GPR174: variants seen among roughly 807,000 people sequenced by gnomAD.
GPR174 encodes G protein-coupled receptor 174.
Under a neutral mutation model 16.5 loss-of-function variants are expected in GPR174, and 8 were observed. The ratio of observed to expected loss-of-function variants is 0.48; its 90% CI spans 0.28 to 0.87. The LOEUF is 0.87. Ranked by LOEUF, GPR174 falls within the 40% of genes least tolerant of loss-of-function variation. The probability of loss-of-function intolerance (pLI) is 0.09; values close to 1 mark genes in which losing one functional copy is unlikely to be tolerated. For synonymous variants in GPR174, 111 were observed against 94.8 expected, an observed-to-expected ratio of 1.17 and a Z score of -0.99; for missense variants, 214 against 247.5, an observed-to-expected ratio of 0.86 and a Z score of 0.91.
rs1926470814 is a variant in GPR174 at position 79,145,039 on chromosome X, TTTCTTTCTTTCTTTCTTTCTTTC to T, written c.-829_-807del. 5 of 99,389 alleles carry T rather than the reference TTTCTTTCTTTCTTTCTTTCTTTC, an allele frequency of 5.0e-5. No homozygotes were observed. Among genetic ancestry groups the T allele is most frequent in the African/African-American group, 1.9e-4 (5 of 26,911 alleles). The allele number at this position is 99,389 out of a possible 1,213,427, so 8.2% of individuals were successfully genotyped here. A position where few individuals can be genotyped will look rare whatever the true frequency, so the allele number is the denominator to read the frequency against. On this transcript the variant is annotated 5_prime_UTR_variant, in exon 1 of 3. Coordinates refer to ENST00000645147, the MANE Select transcript of GPR174 (RefSeq NM_032553.3). The stretch of plus-strand genomic sequence containing the variant: ...CTTTCTTTCTTTCTTTCTTTCTTTC[TTTCTTTCTTTCTTTCTTTCTTTC>T]TTTTTTTTCTCCTTTTGCTAGTGAA...
In GPR174 at chrX:79,172,035, C is replaced by A. The variant is rs1921531229; in HGVS notation, c.*26C>A. ...AACAAAAAACCAAACTGAATGTGACCTGAAATGCAAGTACATCAGAACATA... is the reference window on the plus strand; with the variant it reads ...AACAAAAAACCAAACTGAATGTGACATGAAATGCAAGTACATCAGAACATA... On this transcript the variant is annotated 3_prime_UTR_variant, in exon 3 of 3. Transcript: ENST00000645147. 1 of 1,158,444 alleles carries A rather than the reference C, an allele frequency of 8.6e-7. No individual in the cohort carries two copies. The highest frequency in any genetic ancestry group is 2.6e-5 in the Admixed American group (1 of 39,017).
At chrX:79,166,445 T>C (rs1459276606) in intron 2 of GPR174, among the ~76,000 whole-genome samples, 2 of 77,296 alleles carry the variant, frequency 2.6e-5, no homozygotes, top group African/African-American at 1.0e-4. Context: ...TTTTTTTTTT[T>C]TTTTTTTTTT....
chrX:79,155,627 G>A (rs1245842533), intron 1 of GPR174, among the ~76,000 whole-genome samples: 5 of 110,805 alleles, frequency 4.5e-5, no homozygotes, highest in African/African-American at 1.6e-4. Flanking sequence ...TCTTAACAAT[G>A]TTCCCCAGGA....
chrX:79,171,272 G>C lies in GPR174; in HGVS notation c.265G>C (p.Gly89Arg). The change falls in exon 3 of 3, where the codon GGT (glycine) becomes CGT (arginine). Residue 89 changes from glycine to arginine, a missense_variant. Physicochemically the swap from Gly to Arg is moderately radical, Grantham distance 125 (BLOSUM62 -2). Coordinates refer to ENST00000645147, the MANE Select transcript of GPR174 (RefSeq NM_032553.3). ...GAATCATGACTGGCCATTTGGGCCT[G>C]GTCTCTGCATGTTCTGTTTCTACCT... ...YLNHDWPFGPGLCMFCFYLKY... is the reference protein window; with the variant it reads ...YLNHDWPFGPRLCMFCFYLKY... The C allele has an allele frequency of 8.3e-7, 1 of 1,211,366 alleles. No homozygotes were observed. The highest frequency in any genetic ancestry group is 1.1e-6 in the Non-Finnish European group (1 of 895,184).
At chrX:79,152,541 A>G (rs1042882416) in intron 1 of GPR174, among the ~76,000 whole-genome samples, 1 of 111,644 alleles carries the variant, frequency 9.0e-6, no homozygotes, top group African/African-American at 3.3e-5. Context: ...TCTCCTGATA[A>G]TCCTAATTAT....
intron 1 of GPR174, among the ~76,000 whole-genome samples, chrX:79,155,971 C>A (rs1028708060): frequency 8.9e-6 from 1 of 111,765 alleles, no homozygotes; most frequent in African/African-American, 3.2e-5. Context: ...AGGCTGTCCC[C>A]CTCTATGTTC....
In GPR174 at chrX:79,174,566, T is replaced by C. The variant is rs992717692; in HGVS notation, c.*2557T>C. On this transcript the variant is annotated 3_prime_UTR_variant, in exon 3 of 3. Transcript: ENST00000645147. ...GGTCCCACAGCACTGCCTTTCATAT[T>C]GCATACAGTAAGCAAACACCTACTT... The C allele has an allele frequency of 3.6e-5, 4 of 109,838 alleles. No homozygotes were observed. Among genetic ancestry groups the C allele is most frequent in the African/African-American group, 1.0e-4 (3 of 30,090 alleles). The allele number at this position is 109,838 out of a possible 1,213,427, so 9.1% of individuals were successfully genotyped here.
At chrX:79,156,796 A>C (rs1921109200) in intron 1 of GPR174, 26 bp from the exon 2 acceptor site, 1 of 111,670 alleles carries the variant, frequency 9.0e-6, no homozygotes, top group Non-Finnish European at 1.9e-5. Context: ...GCTGCACCTG[A>C]CCACTGCTTT....
chrX:79,158,654 G>C (rs1282688681), intron 2 of GPR174, among the ~76,000 whole-genome samples: 3 of 106,860 alleles, frequency 2.8e-5, no homozygotes, highest in Non-Finnish European at 5.8e-5. Context: ...ATGTTGGCCA[G>C]GATGGTCTCG....
Position 79,173,462 on chromosome X carries a change from C to T in GPR174, c.*1453C>T, listed in dbSNP as rs1293922352. ...AAGCTCTAACTTTAAGAAAGTTCTA[C>T]TTAAAATCTGTGTGCTATATAATGA... On this transcript the variant is annotated 3_prime_UTR_variant, in exon 3 of 3. Transcript: ENST00000645147. The T allele has an allele frequency of 2.7e-5, 3 of 111,982 alleles. No individual in the cohort carries two copies. The highest frequency in any genetic ancestry group is 5.6e-5 in the Non-Finnish European group (3 of 53,187). The allele number at this position is 111,982 out of a possible 1,213,427, so 9.2% of individuals were successfully genotyped here.
intron 2 of GPR174, among the ~76,000 whole-genome samples, chrX:79,157,639 G>A (rs1602338703): frequency 3.6e-5 from 4 of 112,159 alleles, no homozygotes; most frequent in South Asian, 3.7e-4. Flanking sequence ...TACAGTAGCC[G>A]TAGGTGAATC....
chrX:79,159,690 T>C (rs1397698060), intron 2 of GPR174, among the ~76,000 whole-genome samples: 2 of 111,834 alleles, frequency 1.8e-5, no homozygotes, highest in Non-Finnish European at 3.8e-5. Flanking sequence ...TTTTGCCTAC[T>C]ATAAATCATG....
intron 2 of GPR174, among the ~76,000 whole-genome samples, chrX:79,163,839 G>A (rs112386093): frequency 0.16 from 18,161 of 111,077 alleles, 1,296 homozygotes; most frequent in Middle Eastern, 0.33. Context: ...AATGAACTCC[G>A]CTGTCCTTTA....
At chrX:79,164,442 T>A (rs1000143245) in intron 2 of GPR174, among the ~76,000 whole-genome samples, 3 of 111,789 alleles carry the variant, frequency 2.7e-5, no homozygotes, top group Non-Finnish European at 5.6e-5. Context: ...CCAGCCATCT[T>A]TATTTTTAAT....
intron 2 of GPR174, among the ~76,000 whole-genome samples, chrX:79,159,241 T>C (rs947832269): frequency 9.0e-6 from 1 of 111,488 alleles, no homozygotes; most frequent in African/African-American, 3.3e-5. Flanking sequence ...GTATGATGTC[T>C]AGTTAGAGAG....
chrX:79,164,477 A>G (rs1292144559), intron 2 of GPR174, among the ~76,000 whole-genome samples: 1 of 111,416 alleles, frequency 9.0e-6, no homozygotes, highest in Non-Finnish European at 1.9e-5. Context: ...ACTAACCGGA[A>G]GGATATTTCT....
intron 2 of GPR174, among the ~76,000 whole-genome samples, chrX:79,169,223 G>A (rs1420196372): frequency 1.8e-5 from 2 of 111,506 alleles, no homozygotes; most frequent in African/African-American, 6.5e-5. Context: ...TCTGCCCAAG[G>A]AGCTTGGCAT....
chrX:79,151,021 C>A (rs1447899065), intron 1 of GPR174, among the ~76,000 whole-genome samples: 1 of 110,224 alleles, frequency 9.1e-6, no homozygotes, highest in Non-Finnish European at 1.9e-5. Context: ...ATTTTTTTTC[C>A]CTGTAGAGCT....
At chrX:79,166,432 CTTTTTTTTTTTT>C (rs1174620976) in intron 2 of GPR174, among the ~76,000 whole-genome samples, 3 of 43,625 alleles carry the variant, frequency 6.9e-5, no homozygotes, top group South Asian at 2.8e-3. Context: ...TTTCTTTTTT[CTTTTTTTTTTTT>C]TTTTTTTTTT....
Sources: gnomAD v4.1 joint callset for allele counts (sites outside exome capture counted in the v4.1 genomes callset) on GRCh38, gnomAD v4.1.1 for gene constraint, MANE v1.5 for transcripts, NCBI Gene and HGNC (gene_info 2026-07-23, HGNC 2026-07-21) for gene names.